The following ANLN variants were observed in gnomAD, a reference collection of about 807,000 sequenced individuals.
ANLN encodes the protein anillin.
In ANLN, 59 loss-of-function variants were observed where a neutral mutation model predicts 135.1. The ratio of observed to expected loss-of-function variants is 0.44; its 90% CI spans 0.35 to 0.54. The LOEUF is 0.54. Ranked by LOEUF, ANLN falls within the 20% of genes least tolerant of loss-of-function variation. The pLI is 0.00. For synonymous variants in ANLN, 406 were observed against 456.4 expected (o/e 0.89, Z 1.41); for missense variants, 1,182 against 1,340.0 (o/e 0.88, Z 1.84).
intron 20 of ANLN, among the ~76,000 whole-genome samples, chr7:36,429,248 TCTCA>T (rs1490282341): frequency 6.6e-6 from 1 of 151,826 alleles, no homozygotes; most frequent in Non-Finnish European, 1.5e-5. Context: ...TGAGATAGAG[TCTCA>T]CTCTGTCACC....
chr7:36,391,212 T>C (rs1307355765), intron 1 of ANLN, among the ~76,000 whole-genome samples: 1 of 152,220 alleles, frequency 6.6e-6, no homozygotes, highest in Non-Finnish European at 1.5e-5. Flanking sequence ...CCTATTTTTG[T>C]ATTAGCCTTA....
In ANLN at chr7:36,399,203, T is replaced by A. The variant is rs1583594332; in HGVS notation, c.297T>A (p.Ser99Arg). The A allele has an allele frequency of 1.2e-6, 2 of 1,614,156 alleles. No individual in the cohort carries two copies. Among genetic ancestry groups the A allele is most frequent in the Middle Eastern group, 3.3e-4 (2 of 6,062 alleles). ...ESTSAKSCSPSPVSPQVQPQA... is the reference protein window; with the variant it reads ...ESTSAKSCSPRPVSPQVQPQA... The stretch of plus-strand genomic sequence containing the variant: ...CATCTGCAAAATCTTGTTCTCCAAG[T>A]CCTGTGTCTCCTCAGGTGCAGCCAC... Residue 99 changes from serine (S) to arginine (R), a missense_variant, in exon 3 of 24, where the codon AGT (serine) becomes AGA (arginine). Physicochemically the swap from Ser to Arg is moderately radical, Grantham distance 110. Coordinates refer to ENST00000265748, the MANE Select transcript of ANLN (RefSeq NM_018685.5).
chr7:36,404,043 T>G (rs1787084122), intron 3 of ANLN, among the ~76,000 whole-genome samples: 1 of 152,162 alleles, frequency 6.6e-6, no homozygotes, highest in Admixed American at 6.5e-5. Context: ...CGATCTCGGC[T>G]CACTGCAACC....
At chr7:36,429,741 C>A (rs1266772276) in intron 20 of ANLN, among the ~76,000 whole-genome samples, 2 of 152,082 alleles carry the variant, frequency 1.3e-5, no homozygotes, top group African/African-American at 4.8e-5. Context: ...TTTCATTAAT[C>A]TCTAAAATGA....
chr7:36,421,935 G>A lies in ANLN; in HGVS notation c.2242G>A (p.Glu748Lys). 6.2e-7 allele frequency: 1 copy of A among 1,613,752 alleles called. No homozygotes were observed. The highest frequency in any genetic ancestry group is 8.5e-7 in the Non-Finnish European group (1 of 1,179,836). The change falls in exon 13 of 24, where the codon GAA becomes AAA. Residue 748 changes from glutamate to lysine, a missense_variant. Coordinates refer to ENST00000265748, the MANE Select transcript of ANLN (RefSeq NM_018685.5). Reference protein sequence around the residue: ...SQALNCCVDEEHGKGSLEEAE... With the variant: ...SQALNCCVDEKHGKGSLEEAE... ...GGCTCTTAACTGCTGTGTTGATGAA[G>A]AACATGGAAAAGGGTCCCTAGAAGA... is the stretch of plus-strand genomic sequence containing the variant.
intron 20 of ANLN, among the ~76,000 whole-genome samples, chr7:36,437,221 T>G (rs1363363817): frequency 6.6e-6 from 1 of 152,236 alleles, no homozygotes; most frequent in Non-Finnish European, 1.5e-5. Flanking sequence ...AGATTTCATA[T>G]GTTGCTTTTC....
At chr7:36,435,750 G>A (rs1046830069) in intron 20 of ANLN, among the ~76,000 whole-genome samples, 1 of 150,436 alleles carries the variant, frequency 6.6e-6, no homozygotes, top group Non-Finnish European at 1.5e-5. Context: ...GCGGGCGCCT[G>A]TAGTCCCAGC....
rs772911968 is a variant in ANLN, at chr7:36,449,818, G to C, written c.3232G>C (p.Asp1078His). ...AGAGACTCTTGTCAGCCAATGCAGG[G>C]ACACACTCTGTGTTACCAAGTATGT... ...DRETLVSQCR[D>H]TLCVTKNWLS... Residue 1078 changes from aspartate (D) to histidine (H), a missense_variant, in exon 23 of 24, where the codon GAC becomes CAC. Asp to His is a moderately conservative substitution (Grantham distance 81). This residue lies in a region of ANLN where 78 missense variants were observed against 72.7 expected (regional missense o/e 1.07). Transcript: ENST00000265748. 1.9e-6 allele frequency: 3 copies of C among 1,613,526 alleles called. No homozygotes were observed. The highest frequency in any genetic ancestry group is 3.3e-5 in the Admixed American group (2 of 59,908).
chr7:36,422,653 A>G lies in ANLN; in HGVS notation c.2320A>G (p.Ile774Val), dbSNP rs749794270. 2.5e-6 allele frequency: 4 copies of G among 1,607,430 alleles called. No individual in the cohort carries two copies. Among genetic ancestry groups the G allele is most frequent in the Non-Finnish European group, 3.4e-6 (4 of 1,178,240 alleles). ...LIATGKRTLL[I>V]DELNKLKNEG... is the part of the protein sequence containing the mutation. ...CATAGCTGGGAAGAGAACACTTTTG[A>G]TTGATGAATTGAATAAATTGAAGAA... Residue 774 changes from isoleucine to valine, a missense_variant, in exon 14 of 24, where the codon ATT becomes GTT. This residue lies in a region of ANLN where 1,022 missense variants were observed against 1,134.0 expected (regional missense o/e 0.90). Coordinates refer to ENST00000265748, the MANE Select transcript of ANLN (RefSeq NM_018685.5).
rs1789295448 is a variant in ANLN, at chr7:36,452,630, T to G, written c.*30T>G. 6.2e-7 allele frequency: 1 copy of G among 1,608,466 alleles called. No individual in the cohort carries two copies. Among genetic ancestry groups the G allele is most frequent in the East Asian group, 2.2e-5 (1 of 44,768 alleles). ...GGAAATTTCCATGCTATCTAGAGGT[T>G]TTTGATGTCATCTTAAGAAACACAC... On this transcript the variant is annotated 3_prime_UTR_variant, in exon 24 of 24. Transcript: ENST00000265748.
intron 21 of ANLN, among the ~76,000 whole-genome samples, chr7:36,442,831 T>G (rs1025155434): frequency 1.3e-5 from 2 of 151,834 alleles, no homozygotes; most frequent in African/African-American, 4.8e-5. Context: ...GGGATTTCAC[T>G]GTGTTAGCCA....
At chr7:36,409,207 A>G (rs1787312334) in intron 5 of ANLN, among the ~76,000 whole-genome samples, 1 of 152,250 alleles carries the variant, frequency 6.6e-6, no homozygotes, top group Non-Finnish European at 1.5e-5. Context: ...GGATATACCC[A>G]GAATCACATT....
chr7:36,452,618 C>G lies in ANLN; in HGVS notation c.*18C>G, dbSNP rs1159545952. On this transcript the variant is annotated 3_prime_UTR_variant, in exon 24 of 24. Coordinates refer to ENST00000265748, the MANE Select transcript of ANLN (RefSeq NM_018685.5). ...AGCCTTAAACCGGGAAATTTCCATG[C>G]TATCTAGAGGTTTTTGATGTCATCT... The G allele has an allele frequency of 4.3e-6, 7 of 1,613,328 alleles. No individual in the cohort carries two copies. Among genetic ancestry groups the G allele is most frequent in the Non-Finnish European group, 5.9e-6 (7 of 1,179,656 alleles).
At chr7:36,422,126 T>C in intron 13 of ANLN, 134 bp downstream of exon 13, 1 of 1,126,288 alleles carries the variant, frequency 8.9e-7, no homozygotes, top group South Asian at 1.8e-5. Flanking sequence ...TTTTTTGTTC[T>C]TGTTTTTATA....
At chr7:36,449,404 T>C in intron 22 of ANLN, 2 of 259,088 alleles carry the variant, frequency 7.7e-6, no homozygotes, top group Non-Finnish European at 1.4e-5. Flanking sequence ...TTTGTATTTT[T>C]TATTTGAAGT....
intron 20 of ANLN, among the ~76,000 whole-genome samples, chr7:36,434,405 G>C (rs1397195943): frequency 1.3e-5 from 2 of 152,158 alleles, no homozygotes; most frequent in East Asian, 3.8e-4. Flanking sequence ...AGCTAGCTCT[G>C]CCTCTGCTTC....
At chr7:36,427,632 G>A (rs1788141544) in intron 20 of ANLN, among the ~76,000 whole-genome samples, 1 of 152,158 alleles carries the variant, frequency 6.6e-6, no homozygotes, top group African/African-American at 2.4e-5. Context: ...GGGATTATAG[G>A]TGTGAGCCAC....
intron 11 of ANLN, 80 bp from the exon 12 acceptor site, chr7:36,420,517 A>AAC: frequency 7.5e-7 from 1 of 1,327,946 alleles, no homozygotes; most frequent in Non-Finnish European, 1.1e-6. Flanking sequence ...ATCAGTGTCA[A>AAC]ATTCTGCTGA....
At chr7:36,410,472 T>C (rs117994567) in intron 5 of ANLN, 42 bp from the exon 6 acceptor site, 1 of 1,498,940 alleles carries the variant, frequency 6.7e-7, no homozygotes, top group South Asian at 1.4e-5. Flanking sequence ...GTAATAATTT[T>C]TTATTTTGAA....
Sources: gnomAD v4.1 joint callset for allele counts (sites outside exome capture counted in the v4.1 genomes callset) on GRCh38, gnomAD v4.1.1 for gene constraint, gnomAD v4.1.1 regional missense constraint, MANE v1.5 for transcripts, NCBI Gene and HGNC (gene_info 2026-07-23, HGNC 2026-07-21) for gene names.